MCM5: variants seen among roughly 807,000 people sequenced by gnomAD.
The protein encoded by MCM5 is DNA replication licensing factor MCM5.
MCM5 carries 46 observed loss-of-function variants against 79.9 expected under a neutral mutation model. The observed-to-expected ratio is 0.58, with a 90% CI of 0.45 to 0.74. The LOEUF is 0.74. MCM5 is among the 30% of genes least tolerant of loss of function. The pLI is 0.00. For missense variants in MCM5, 883 were observed against 1,017.0 expected, an observed-to-expected ratio of 0.87 and a Z score of 1.79; for synonymous variants, 404 against 390.5, an observed-to-expected ratio of 1.03 and a Z score of -0.41.
chr22:35,416,510 TC>T, intron 11 of MCM5, 106 bp downstream of exon 11: 1 of 1,194,144 alleles, frequency 8.4e-7, no homozygotes, highest in Non-Finnish European at 1.2e-6. Context: ...AGGCCTAGAA[TC>T]TGTGTGTGTG....
At chr22:35,452,281 C>T in the MCM5 span, among the ~76,000 whole-genome samples, 1 of 152,188 alleles carries the variant, frequency 6.6e-6, no homozygotes, top group African/African-American at 2.4e-5. Flanking sequence ...CCTCCCCACC[C>T]CCACGCAGGC....
the MCM5 span, among the ~76,000 whole-genome samples, chr22:35,454,396 C>A: frequency 3.3e-5 from 5 of 152,176 alleles, no homozygotes; most frequent in African/African-American, 1.2e-4. Flanking sequence ...CTCCCTTCTC[C>A]CCTCCCCTCT....
chr22:35,421,255 G>A, intron 14 of MCM5, 63 bp from the exon 15 acceptor site: 2 of 1,550,214 alleles, frequency 1.3e-6, no homozygotes, highest in Non-Finnish European at 1.7e-6. Context: ...CTGGTAACGG[G>A]CTGGCTGGGG....
rs556531381 is a variant in MCM5, at chr22:35,414,342, G to A, written c.1203+356G>A. Among the ~76,000 whole-genome samples the A allele has an allele frequency of 7.9e-5, 12 of 152,284 alleles. No individual in the cohort carries two copies. In the South Asian group the frequency reaches 2.5e-3, roughly 32 times the overall value. On this transcript the variant is annotated intron_variant, in intron 9 of 16. Coordinates refer to ENST00000216122, the MANE Select transcript of MCM5 (RefSeq NM_006739.4). ...TATCATTAATAGCTAAAATCTGGCT[G>A]GGCATGGTGGTTCATCCCTGTAATA... is the stretch of plus-strand genomic sequence containing the variant.
chr22:35,407,130 A>G (rs1932242007), intron 5 of MCM5, among the ~76,000 whole-genome samples: 1 of 152,218 alleles, frequency 6.6e-6, no homozygotes, highest in Non-Finnish European at 1.5e-5. Flanking sequence ...CGCACTACAA[A>G]GGCAGGGTAT....
intron 12 of MCM5, 44 bp downstream of exon 12, chr22:35,416,858 G>A: frequency 6.3e-7 from 1 of 1,598,520 alleles, no homozygotes; most frequent in East Asian, 2.2e-5. Flanking sequence ...CCTGCCTCCA[G>A]GCAGGCTTGT....
chr22:35,450,684 C>T, the MCM5 span, among the ~76,000 whole-genome samples: 1 of 152,178 alleles, frequency 6.6e-6, no homozygotes, highest in South Asian at 2.1e-4. Flanking sequence ...ACCCGGTCCC[C>T]ACGGCAACAC....
chr22:35,415,400 G>A (rs897207333), intron 9 of MCM5, among the ~76,000 whole-genome samples: 2 of 152,142 alleles, frequency 1.3e-5, no homozygotes, highest in African/African-American at 4.8e-5. Flanking sequence ...CAATTTCAGG[G>A]GCTCTATGGC....
chr22:35,402,936 A>T (rs1932103171), intron 2 of MCM5, among the ~76,000 whole-genome samples: 1 of 152,210 alleles, frequency 6.6e-6, no homozygotes, highest in African/African-American at 2.4e-5. Context: ...TGTTTTGTGC[A>T]CGCTGGCCTG....
In MCM5 at chr22:35,412,496, C is replaced by T; in HGVS notation, c.920-14C>T. Reference sequence around the variant, plus strand: ...TCCCTTGTACTCACTCATGCGCCTGCTTTGCCTACCAAGGCCGCAGCTTTG... The same window carrying T: ...TCCCTTGTACTCACTCATGCGCCTGTTTTGCCTACCAAGGCCGCAGCTTTG... On this transcript the variant is annotated splice_polypyrimidine_tract_variant and intron_variant, in intron 7 of 16. Coordinates refer to ENST00000216122, the MANE Select transcript of MCM5 (RefSeq NM_006739.4). 6.6e-7 allele frequency: 1 copy of T among 1,526,418 alleles called. No individual in the cohort carries two copies. The highest frequency in any genetic ancestry group is 8.8e-7 in the Non-Finnish European group (1 of 1,134,346). 94.6% of individuals were successfully genotyped at this position (1,526,418 alleles called of 1,614,324 possible).
At chr22:35,444,990 C>T in the MCM5 span, among the ~76,000 whole-genome samples, 7 of 152,358 alleles carry the variant, frequency 4.6e-5, no homozygotes, top group East Asian at 7.7e-4. Context: ...GCGGCCAGAG[C>T]GACCCTGTGA....
the MCM5 span, among the ~76,000 whole-genome samples, chr22:35,430,502 C>T: frequency 7.2e-6 from 1 of 138,748 alleles, no homozygotes; most frequent in African/African-American, 2.7e-5. Flanking sequence ...CCAGTGGGGA[C>T]TTTTTTTTTT....
rs2230932 is a variant in MCM5, at chr22:35,406,693, C to G, written c.564C>G (p.Leu188=). 3 of 1,609,988 alleles carry G rather than the reference C, an allele frequency of 1.9e-6. No homozygotes were observed. The highest frequency in any genetic ancestry group is 2.5e-6 in the Non-Finnish European group (3 of 1,180,002). The change falls in exon 5 of 17, where the codon CTC becomes CTG. Residue 188 remains leucine (L), a synonymous_variant. Transcript: ENST00000216122. ...TLTNIAMRPG[L]EGYALPRKCN... ...CCAACATTGCCATGCGCCCTGGCCT[C>G]GAGGGCTATGCCCTGCCCAGGAAGT...
chr22:35,437,503 T>C, the MCM5 span, among the ~76,000 whole-genome samples: 1 of 152,318 alleles, frequency 6.6e-6, no homozygotes, highest in Non-Finnish European at 1.5e-5. Flanking sequence ...TTGAGAATCT[T>C]TGAACCCCTG....
chr22:35,428,970 CTTT>C (rs35549972), downstream of MCM5, among the ~76,000 whole-genome samples: 60 of 65,526 alleles, frequency 9.2e-4, no homozygotes, highest in African/African-American at 3.5e-3. Context: ...TTTCTTTGAC[CTTT>C]TTTTTTTTTT....
At chr22:35,452,458 C>T in the MCM5 span, among the ~76,000 whole-genome samples, 7 of 152,172 alleles carry the variant, frequency 4.6e-5, no homozygotes, top group Admixed American at 6.5e-5. Context: ...GGCAGGTGCC[C>T]GGCAGATGTG....
intron 10 of MCM5, among the ~76,000 whole-genome samples, 166 bp downstream of exon 10, chr22:35,416,138 A>C (rs1397189648): frequency 6.6e-6 from 1 of 152,196 alleles, no homozygotes; most frequent in Non-Finnish European, 1.5e-5. Flanking sequence ...TTCAAGCCTC[A>C]GTTCCCATAT....
chr22:35,429,710 AT>A (rs1004683740), downstream of MCM5, among the ~76,000 whole-genome samples: 1 of 151,710 alleles, frequency 6.6e-6, no homozygotes, highest in Non-Finnish European at 1.5e-5. Flanking sequence ...TAATTTTTGT[AT>A]TTTTAGTAGA....
At chr22:35,451,019 A>G in the MCM5 span, among the ~76,000 whole-genome samples, 1 of 152,196 alleles carries the variant, frequency 6.6e-6, no homozygotes, top group Non-Finnish European at 1.5e-5. Context: ...GAATGAATGC[A>G]CTTGTGGAGT....
Sources: gnomAD v4.1 joint callset for allele counts (sites outside exome capture counted in the v4.1 genomes callset) on GRCh38, gnomAD v4.1.1 for gene constraint, MANE v1.5 for transcripts, NCBI Gene and HGNC (gene_info 2026-07-23, HGNC 2026-07-21) for gene names.